The following CNTN1 variants were observed in gnomAD, a reference collection of about 807,000 sequenced individuals.
CNTN1 encodes contactin 1, also known as contactin-1.
A neutral mutation model predicts 126.4 loss-of-function variants in CNTN1; 38 were observed. That is an observed-to-expected ratio of 0.30 (90% confidence interval 0.23 to 0.39). The LOEUF is 0.39. Among genes scored for constraint, CNTN1 ranks in the 10% least tolerant of loss-of-function variants. The pLI, the probability that CNTN1 is intolerant of heterozygous loss-of-function variation, is 1.00. For synonymous variants in CNTN1, 413 were observed against 422.6 expected (o/e 0.98, Z 0.28); for missense variants, 1,009 against 1,248.4 (o/e 0.81, Z 2.89).
intron 1 of CNTN1, among the ~76,000 whole-genome samples, chr12:40,818,371 A>G (rs2136520975): frequency 6.6e-6 from 1 of 151,746 alleles, no homozygotes; most frequent in South Asian, 2.1e-4. Flanking sequence ...ATTCCTTTTC[A>G]TTCTTTTTTT....
intron 7 of CNTN1, among the ~76,000 whole-genome samples, chr12:40,930,416 GATT>G (rs1430475735): frequency 6.6e-6 from 1 of 151,894 alleles, no homozygotes; most frequent in African/African-American, 2.4e-5. Context: ...AAGTCATTTT[GATT>G]ATTTTGGTAT....
chr12:40,708,535 G>C (rs767051655), intron 1 of CNTN1, among the ~76,000 whole-genome samples: 33 of 152,144 alleles, frequency 2.2e-4, no homozygotes, highest in Non-Finnish European at 2.6e-4. Context: ...CCAAAGGTTG[G>C]GGTGGCTGTG....
At chr12:41,000,223 G>T (rs915753751) in intron 17 of CNTN1, among the ~76,000 whole-genome samples, 2 of 152,094 alleles carry the variant, frequency 1.3e-5, no homozygotes, top group Non-Finnish European at 2.9e-5. Context: ...TCAGTAAAAT[G>T]CTTTAACAAA....
intron 1 of CNTN1, among the ~76,000 whole-genome samples, chr12:40,735,388 C>A (rs1937630802): frequency 6.6e-6 from 1 of 152,030 alleles, no homozygotes; most frequent in African/African-American, 2.4e-5. Context: ...TTATTAAAAG[C>A]CTATATTTGT....
intron 1 of CNTN1, among the ~76,000 whole-genome samples, chr12:40,863,860 C>T (rs1269302623): frequency 6.6e-6 from 1 of 151,838 alleles, no homozygotes; most frequent in African/African-American, 2.4e-5. Flanking sequence ...TTGGGGATTG[C>T]TGCTGTATAG....
At chr12:40,694,987 C>A (rs1000677458) in intron 1 of CNTN1, among the ~76,000 whole-genome samples, 1 of 152,148 alleles carries the variant, frequency 6.6e-6, no homozygotes, top group Non-Finnish European at 1.5e-5. Context: ...TTTTAAAATT[C>A]ATGGTTCTAA....
chr12:40,977,586 G>GC (rs75851888), intron 15 of CNTN1, among the ~76,000 whole-genome samples: 57,707 of 151,796 alleles, frequency 0.38, 11,593 homozygotes, highest in Non-Finnish European at 0.45. Context: ...CAGATCCCTG[G>GC]AATGACTGAC....
intron 2 of CNTN1, among the ~76,000 whole-genome samples, chr12:40,909,106 CTT>C (rs1308524023): frequency 6.6e-6 from 1 of 152,078 alleles, no homozygotes; most frequent in African/African-American, 2.4e-5. Context: ...TTACACAACT[CTT>C]TTGCCAATTT....
chr12:40,922,471 G>T, intron 5 of CNTN1, 43 bp downstream of exon 5: 1 of 1,574,130 alleles, frequency 6.4e-7, no homozygotes, highest in Non-Finnish European at 8.7e-7. Context: ...GCGTGTTTAG[G>T]TGAGTTCAGC....
At chr12:40,838,587 C>A (rs1045986431) in intron 1 of CNTN1, among the ~76,000 whole-genome samples, 1 of 152,282 alleles carries the variant, frequency 6.6e-6, no homozygotes, top group Non-Finnish European at 1.5e-5. Context: ...ACTGGCCCAC[C>A]TGATATCCTA....
At chr12:40,834,910 T>C (rs986673541) in intron 1 of CNTN1, among the ~76,000 whole-genome samples, 2 of 152,196 alleles carry the variant, frequency 1.3e-5, no homozygotes, top group African/African-American at 4.8e-5. Context: ...GCATACAATT[T>C]ATTTTATGTC....
intron 1 of CNTN1, among the ~76,000 whole-genome samples, chr12:40,874,611 A>G (rs532861339): frequency 6.6e-6 from 1 of 152,152 alleles, no homozygotes; most frequent in South Asian, 2.1e-4. Flanking sequence ...ATCATAATTG[A>G]CAAATGAGGC....
At chr12:40,820,521 G>A (rs922510340) in intron 1 of CNTN1, among the ~76,000 whole-genome samples, 4 of 152,182 alleles carry the variant, frequency 2.6e-5, no homozygotes, top group Non-Finnish European at 5.9e-5. Context: ...CTGAGACATG[G>A]GCACTTACAG....
intron 1 of CNTN1, among the ~76,000 whole-genome samples, chr12:40,841,355 A>C (rs1942272603): frequency 1.3e-5 from 2 of 152,036 alleles, no homozygotes; most frequent in Admixed American, 1.3e-4. Context: ...TCATACATAC[A>C]AAGAAGAACT....
chr12:40,739,926 A>G (rs1032113159), intron 1 of CNTN1, among the ~76,000 whole-genome samples: 1 of 152,084 alleles, frequency 6.6e-6, no homozygotes, highest in African/African-American at 2.4e-5. Flanking sequence ...GAATAGACAG[A>G]CATGCCATAT....
At chr12:40,705,887 G>A (rs1400126045) in intron 1 of CNTN1, among the ~76,000 whole-genome samples, 1 of 152,038 alleles carries the variant, frequency 6.6e-6, no homozygotes, top group African/African-American at 2.4e-5. Context: ...GAGTGGCGGG[G>A]AGGTGCTGCA....
chr12:41,022,390 T>C (rs1948937157), intron 20 of CNTN1, among the ~76,000 whole-genome samples: 1 of 152,228 alleles, frequency 6.6e-6, no homozygotes, highest in Non-Finnish European at 1.5e-5. Flanking sequence ...TTATGCACTT[T>C]GCTGCTGAGC....
chr12:40,929,987 A>C lies in CNTN1; in HGVS notation c.688A>C (p.Ile230Leu). ...CGTGTTCAGCAAATTCATCCCACTC[A>C]TTCCAATACCTGAACGTAAGTATTT... ...KSVFSKFIPL[I>L]PIPERTTKPY... Residue 230 changes from isoleucine (I) to leucine (L), a missense_variant, in exon 7 of 24, where the codon ATT becomes CTT. Ile to Leu is a conservative substitution (Grantham distance 5). Transcript: ENST00000551295. 1.2e-6 allele frequency: 2 copies of C among 1,609,594 alleles called. No individual in the cohort carries two copies. The highest frequency in any genetic ancestry group is 4.5e-5 in the East Asian group (2 of 44,824).
At chr12:40,712,604 A>G (rs554823605) in intron 1 of CNTN1, among the ~76,000 whole-genome samples, 10 of 152,230 alleles carry the variant, frequency 6.6e-5, no homozygotes, top group Admixed American at 2.0e-4. Flanking sequence ...CCCATAGCCT[A>G]ACGTGTAACT....
Sources: gnomAD v4.1 joint callset for allele counts (sites outside exome capture counted in the v4.1 genomes callset) on GRCh38, gnomAD v4.1.1 for gene constraint, MANE v1.5 for transcripts, NCBI Gene and HGNC (gene_info 2026-07-23, HGNC 2026-07-21) for gene names.